KLF12: variants seen among roughly 807,000 people sequenced by gnomAD.
KLF12 encodes KLF transcription factor 12.
KLF12 carries 9 observed loss-of-function variants against 37.8 expected under a neutral mutation model. The ratio of observed to expected loss-of-function variants is 0.24; its 90% CI spans 0.14 to 0.42. The LOEUF is 0.42. Among genes scored for constraint, KLF12 ranks in the 10% least tolerant of loss-of-function variants. The pLI is 1.00. For synonymous variants in KLF12, 208 were observed against 202.1 expected, an observed-to-expected ratio of 1.03 and a Z score of -0.25; for missense variants, 411 against 516.0, an observed-to-expected ratio of 0.80 and a Z score of 1.97.
chr13:74,087,512 C>T (rs2138797482), intron 1 of KLF12, among the ~76,000 whole-genome samples: 1 of 152,264 alleles, frequency 6.6e-6, no homozygotes, highest in Non-Finnish European at 1.5e-5. Context: ...TCAACGTCTG[C>T]TGAATACCTC....
chr13:73,852,640 G>T (rs1324237830), intron 3 of KLF12, among the ~76,000 whole-genome samples: 1 of 151,910 alleles, frequency 6.6e-6, no homozygotes, highest in African/African-American at 2.4e-5. Flanking sequence ...AGCCGGGCGT[G>T]GTGGCGCGTG....
intron 4 of KLF12, among the ~76,000 whole-genome samples, chr13:73,829,621 C>T (rs939572585): frequency 6.6e-6 from 1 of 152,018 alleles, no homozygotes; most frequent in Admixed American, 6.6e-5. Flanking sequence ...CTAATATGCC[C>T]GGGTATCAGA....
At chr13:74,134,637 G>T (rs923157796), upstream of KLF12, among the ~76,000 whole-genome samples, 3 of 151,878 alleles carry the variant, frequency 2.0e-5, no homozygotes, top group Non-Finnish European at 4.4e-5. Context: ...CCCACACATG[G>T]CCCTGGGAGC....
the KLF12 span, among the ~76,000 whole-genome samples, chr13:74,148,485 T>TC: frequency 4.2e-3 from 486 of 115,666 alleles, 7 homozygotes; most frequent in African/African-American, 0.015. Flanking sequence ...AGACTTTCAC[T>TC]CCCCCCCCAC....
chr13:73,962,991 T>C (rs999466816), intron 2 of KLF12, among the ~76,000 whole-genome samples: 1 of 152,180 alleles, frequency 6.6e-6, no homozygotes, highest in African/African-American at 2.4e-5. Flanking sequence ...AACATAATTC[T>C]ATCACCCCAC....
intron 3 of KLF12, among the ~76,000 whole-genome samples, chr13:73,926,453 G>T (rs1238621744): frequency 1.3e-5 from 2 of 152,060 alleles, no homozygotes; most frequent in African/African-American, 4.8e-5. Context: ...ACACTTAATA[G>T]AATACAGTAG....
the KLF12 span, among the ~76,000 whole-genome samples, chr13:74,238,203 G>A: frequency 1.5e-5 from 2 of 130,820 alleles, 1 homozygote; most frequent in African/African-American, 7.9e-5. Flanking sequence ...ATAATCATGT[G>A]GTTTTTGTCT....
intron 2 of KLF12, among the ~76,000 whole-genome samples, chr13:73,993,361 T>C (rs1892024685): frequency 2.0e-5 from 3 of 152,224 alleles, no homozygotes; most frequent in Admixed American, 1.3e-4. Context: ...AATCATAATA[T>C]TTTCAGGGTC....
intron 6 of KLF12, among the ~76,000 whole-genome samples, chr13:73,729,490 C>G (rs2137793873): frequency 6.6e-6 from 1 of 152,258 alleles, no homozygotes; most frequent in East Asian, 1.9e-4. Context: ...AATCTTACAG[C>G]TGAGAAATAG....
chr13:73,706,391 G>T (rs1874951367), intron 7 of KLF12, among the ~76,000 whole-genome samples: 1 of 152,100 alleles, frequency 6.6e-6, no homozygotes, highest in African/African-American at 2.4e-5. Context: ...AAGATCAACT[G>T]TTTTTTAAAT....
At chr13:73,824,652 C>G (rs564518865) in intron 4 of KLF12, among the ~76,000 whole-genome samples, 1 of 152,034 alleles carries the variant, frequency 6.6e-6, no homozygotes, top group African/African-American at 2.4e-5. Context: ...ATACCAACTC[C>G]GAAGAGAAAA....
the KLF12 span, among the ~76,000 whole-genome samples, chr13:74,299,895 G>A: frequency 6.6e-6 from 1 of 152,094 alleles, no homozygotes; most frequent in African/African-American, 2.4e-5. Flanking sequence ...AAAGGAGAAA[G>A]AAAGACAAAA....
At chr13:74,025,153 A>C (rs1208802585) in intron 1 of KLF12, among the ~76,000 whole-genome samples, 1 of 152,224 alleles carries the variant, frequency 6.6e-6, no homozygotes, top group Admixed American at 6.5e-5. Flanking sequence ...AATAAACTGA[A>C]AATGCAAAGG....
chr13:73,695,364 C>T lies in KLF12; in HGVS notation c.*126G>A. 3.3e-6 allele frequency: 3 copies of T among 902,954 alleles called. No homozygotes were observed. The highest frequency in any genetic ancestry group is 2.6e-5 in the Admixed American group (1 of 38,780). 55.9% of individuals were successfully genotyped at this position (902,954 alleles called of 1,614,324 possible). Reference sequence around the variant, plus strand: ...AGAAGTGTGCCTTCTTTTTCCTGCTCTGGTTTCAGACATCGTGGGATGGTG... The same window carrying T: ...AGAAGTGTGCCTTCTTTTTCCTGCTTTGGTTTCAGACATCGTGGGATGGTG... On this transcript the variant is annotated 3_prime_UTR_variant, in exon 8 of 8. Coordinates refer to ENST00000377669, the MANE Select transcript of KLF12 (RefSeq NM_007249.5).
At chr13:73,927,939 C>A (rs568576359) in intron 3 of KLF12, among the ~76,000 whole-genome samples, 1 of 151,768 alleles carries the variant, frequency 6.6e-6, no homozygotes, top group South Asian at 2.1e-4. Flanking sequence ...CTCACTGCAA[C>A]CTCCGCCTCC....
chr13:74,266,509 C>G, the KLF12 span, among the ~76,000 whole-genome samples: 1 of 152,118 alleles, frequency 6.6e-6, no homozygotes. Flanking sequence ...TGGTTCCAAG[C>G]CAATCTTAAA....
intron 3 of KLF12, among the ~76,000 whole-genome samples, chr13:73,908,632 C>T (rs1269788652): frequency 6.6e-6 from 1 of 151,688 alleles, no homozygotes; most frequent in Non-Finnish European, 1.5e-5. Flanking sequence ...AGGCACCCAC[C>T]ATCATGCCCG....
At chr13:73,895,286 A>ATAC (rs1887710636) in intron 3 of KLF12, among the ~76,000 whole-genome samples, 1 of 152,198 alleles carries the variant, frequency 6.6e-6, no homozygotes, top group Non-Finnish European at 1.5e-5. Flanking sequence ...GAGATCCTAG[A>ATAC]ACGGCTCCCT....
At chr13:74,285,518 G>T in the KLF12 span, among the ~76,000 whole-genome samples, 1 of 152,188 alleles carries the variant, frequency 6.6e-6, no homozygotes, top group Non-Finnish European at 1.5e-5. Flanking sequence ...ATTTGTGGGA[G>T]CATCCTTGGT....
Sources: gnomAD v4.1 joint callset for allele counts (sites outside exome capture counted in the v4.1 genomes callset) on GRCh38, gnomAD v4.1.1 for gene constraint, MANE v1.5 for transcripts, NCBI Gene and HGNC (gene_info 2026-07-23, HGNC 2026-07-21) for gene names.